ROBO2: variants seen among roughly 807,000 people sequenced by gnomAD.
ROBO2 encodes the protein roundabout homolog 2.
ROBO2 carries 53 observed loss-of-function variants against 160.8 expected under a neutral mutation model. The ratio of observed to expected loss-of-function variants is 0.33; its 90% confidence interval spans 0.26 to 0.41. The LOEUF (loss-of-function observed/expected upper bound fraction) is 0.41, where lower values mean the gene tolerates loss of function less well. Ranked by LOEUF, ROBO2 falls within the 10% of genes least tolerant of loss-of-function variation. The pLI is 1.00. For synonymous variants in ROBO2, 664 were observed against 611.7 expected, an observed-to-expected ratio of 1.09 and a Z score of -1.26; for missense variants, 1,577 against 1,722.4, an observed-to-expected ratio of 0.92 and a Z score of 1.49.
At chr3:77,345,314 A>G (rs1238914325) in intron 2 of ROBO2, among the ~76,000 whole-genome samples, 1 of 152,072 alleles carries the variant, frequency 6.6e-6, no homozygotes, top group Non-Finnish European at 1.5e-5. Context: ...GCAATCCAAG[A>G]GAAGGTAGAA....
At chr3:77,039,469 A>T (rs1192461212), upstream of ROBO2, among the ~76,000 whole-genome samples, 1 of 152,184 alleles carries the variant, frequency 6.6e-6, no homozygotes, top group African/African-American at 2.4e-5. Context: ...TCACGGAGAA[A>T]ATTACCTGCC....
At chr3:76,456,837 A>C (rs975360223) in intron 2 of ROBO2, among the ~76,000 whole-genome samples, 2 of 152,182 alleles carry the variant, frequency 1.3e-5, no homozygotes, top group Non-Finnish European at 2.9e-5. Flanking sequence ...AGCACTTCTT[A>C]CATGGTGGCA....
At chr3:76,936,341 G>C (rs559647278) in intron 2 of ROBO2, among the ~76,000 whole-genome samples, 1 of 152,060 alleles carries the variant, frequency 6.6e-6, no homozygotes, top group Non-Finnish European at 1.5e-5. Flanking sequence ...TCTAATCATG[G>C]TTTATTTATT....
intron 2 of ROBO2, among the ~76,000 whole-genome samples, chr3:77,166,412 C>T (rs2079079579): frequency 6.6e-6 from 1 of 152,170 alleles, no homozygotes; most frequent in Admixed American, 6.5e-5. Context: ...TTGCATCTAT[C>T]ATAATGTTTT....
chr3:77,552,227 T>G (rs1255771733), intron 8 of ROBO2, among the ~76,000 whole-genome samples: 2 of 152,038 alleles, frequency 1.3e-5, no homozygotes, highest in Non-Finnish European at 2.9e-5. Context: ...AAATAAGATA[T>G]TCTGTCCAAA....
chr3:76,058,477 C>T (rs539231826), intron 2 of ROBO2, among the ~76,000 whole-genome samples: 1 of 151,920 alleles, frequency 6.6e-6, no homozygotes, highest in South Asian at 2.1e-4. Context: ...GCATGAAGCA[C>T]CTAGTGTATA....
chr3:76,462,586 T>C (rs917176102), intron 2 of ROBO2, among the ~76,000 whole-genome samples: 2 of 149,256 alleles, frequency 1.3e-5, no homozygotes, highest in African/African-American at 5.1e-5. Flanking sequence ...TGTGCACATG[T>C]ACCCTAAAAC....
intron 2 of ROBO2, among the ~76,000 whole-genome samples, chr3:76,621,541 A>G (rs2089081266): frequency 6.6e-6 from 1 of 152,180 alleles, no homozygotes; most frequent in Non-Finnish European, 1.5e-5. Flanking sequence ...TCAAATCCTA[A>G]CTTCACCATC....
At chr3:76,224,272 T>A (rs2107432776) in intron 2 of ROBO2, among the ~76,000 whole-genome samples, 1 of 152,322 alleles carries the variant, frequency 6.6e-6, no homozygotes, top group East Asian at 1.9e-4. Context: ...AGTTGTGTAA[T>A]TCAGTCTGAA....
intron 2 of ROBO2, among the ~76,000 whole-genome samples, chr3:76,771,916 C>G (rs1219174507): frequency 6.6e-6 from 1 of 151,118 alleles, no homozygotes; most frequent in African/African-American, 2.4e-5. Context: ...TTTACTTTCT[C>G]AAAAAATTGT....
chr3:76,132,404 G>GGA (rs1553653801), intron 2 of ROBO2, among the ~76,000 whole-genome samples: 1 of 133,354 alleles, frequency 7.5e-6, no homozygotes, highest in Non-Finnish European at 1.6e-5. Flanking sequence ...TGGGGGGGGG[G>GGA]GGGGACGCAG....
intron 2 of ROBO2, among the ~76,000 whole-genome samples, chr3:77,019,055 T>C (rs916217027): frequency 6.6e-6 from 1 of 152,206 alleles, no homozygotes; most frequent in African/African-American, 2.4e-5. Flanking sequence ...ATCTTTCTTC[T>C]ATGAAGGATT....
At chr3:77,124,624 A>C (rs2075138397) in intron 2 of ROBO2, among the ~76,000 whole-genome samples, 2 of 152,104 alleles carry the variant, frequency 1.3e-5, no homozygotes, top group African/African-American at 4.8e-5. Flanking sequence ...TCAGGGTAGG[A>C]AAAACTTGAG....
At chr3:76,758,011 C>T (rs1273112119) in intron 2 of ROBO2, among the ~76,000 whole-genome samples, 1 of 151,714 alleles carries the variant, frequency 6.6e-6, no homozygotes, top group East Asian at 2.0e-4. Flanking sequence ...TTGCATAATG[C>T]ATGGCACAGG....
At chr3:76,736,392 G>A (rs2093714923) in intron 2 of ROBO2, among the ~76,000 whole-genome samples, 1 of 152,140 alleles carries the variant, frequency 6.6e-6, no homozygotes, top group Admixed American at 6.5e-5. Flanking sequence ...TAGTTTGTGT[G>A]GTTTGGGGGC....
At chr3:77,339,847 T>C (rs1182166844) in intron 2 of ROBO2, among the ~76,000 whole-genome samples, 2 of 152,130 alleles carry the variant, frequency 1.3e-5, no homozygotes, top group Non-Finnish European at 2.9e-5. Flanking sequence ...AATGCATTTA[T>C]TTGAAAACTG....
intron 2 of ROBO2, among the ~76,000 whole-genome samples, chr3:76,861,757 A>G (rs866595564): frequency 1.3e-5 from 2 of 152,152 alleles, no homozygotes; most frequent in African/African-American, 4.8e-5. Flanking sequence ...TCAAAACATG[A>G]TTTTTAATTC....
intron 2 of ROBO2, among the ~76,000 whole-genome samples, chr3:76,103,109 C>T (rs1235828644): frequency 6.6e-5 from 10 of 152,172 alleles, no homozygotes; most frequent in Admixed American, 6.5e-4. Flanking sequence ...AGGCGTGAGC[C>T]ACCACGCCCG....
chr3:77,352,380 T>C (rs1478808233), intron 2 of ROBO2, among the ~76,000 whole-genome samples: 1 of 152,162 alleles, frequency 6.6e-6, no homozygotes, highest in Non-Finnish European at 1.5e-5. Context: ...GTGGAAGATA[T>C]TCTCATGCAG....
Sources: allele counts gnomAD v4.1 joint callset (sites outside exome capture counted in the v4.1 genomes callset), GRCh38; gene constraint gnomAD v4.1.1; transcripts MANE v1.5; gene names NCBI Gene and HGNC (gene_info 2026-07-23, HGNC 2026-07-21).